The following NPSR1 variants were observed in gnomAD, a reference collection of about 807,000 sequenced individuals.
NPSR1 encodes the protein neuropeptide S receptor 1.
NPSR1 carries 48 observed loss-of-function variants against 46.9 expected under a neutral mutation model. That is an observed-to-expected ratio of 1.02 (90% CI 0.81 to 1.30). The LOEUF is 1.30. Among genes scored for constraint, NPSR1 ranks in the 50% most tolerant of loss-of-function variants. The pLI is 0.00. For synonymous variants in NPSR1, 176 were observed against 168.1 expected, an observed-to-expected ratio of 1.05 and a Z score of -0.36; for missense variants, 450 against 449.5, an observed-to-expected ratio of 1.00 and a Z score of -0.01.
intron 1 of NPSR1, among the ~76,000 whole-genome samples, chr7:34,676,610 C>T (rs758748665): frequency 2.4e-4 from 36 of 152,138 alleles, no homozygotes; most frequent in Admixed American, 5.2e-4. Context: ...CTTAATGACC[C>T]TTGTACTAGT....
intron 1 of NPSR1, among the ~76,000 whole-genome samples, chr7:34,670,848 T>C (rs989716442): frequency 2.0e-5 from 3 of 151,918 alleles, no homozygotes; most frequent in Admixed American, 2.0e-4. Flanking sequence ...AGCAAAATAA[T>C]ATATAAAGCA....
chr7:34,838,773 C>A (rs1790467268), intron 6 of NPSR1, among the ~76,000 whole-genome samples: 2 of 152,274 alleles, frequency 1.3e-5, no homozygotes, highest in South Asian at 4.2e-4. Context: ...GCATGGAGGG[C>A]AAGACGTGGA....
intron 3 of NPSR1, among the ~76,000 whole-genome samples, chr7:34,810,356 T>A (rs1184412404): frequency 6.6e-6 from 1 of 152,218 alleles, no homozygotes; most frequent in Non-Finnish European, 1.5e-5. Context: ...ATTCTAAATA[T>A]GCTCTTCACA....
chr7:34,706,182 T>A (rs1393205627), intron 2 of NPSR1, among the ~76,000 whole-genome samples: 1 of 152,106 alleles, frequency 6.6e-6, no homozygotes, highest in Non-Finnish European at 1.5e-5. Flanking sequence ...TGATTTTTTT[T>A]TTTTTAGATT....
chr7:34,660,669 G>A (rs887908339), intron 1 of NPSR1, among the ~76,000 whole-genome samples: 5 of 152,202 alleles, frequency 3.3e-5, no homozygotes, highest in African/African-American at 1.2e-4. Context: ...CATTCTTGGT[G>A]CCAAGAGTCA....
chr7:34,875,569 T>C (rs1052292610), intron 8 of NPSR1, among the ~76,000 whole-genome samples: 3 of 152,136 alleles, frequency 2.0e-5, no homozygotes, highest in Admixed American at 2.0e-4. Flanking sequence ...TCCCCAAATG[T>C]GAGGCAACGA....
chr7:34,749,482 A>G (rs144124052), intron 2 of NPSR1, among the ~76,000 whole-genome samples: 4 of 152,338 alleles, frequency 2.6e-5, no homozygotes, highest in African/African-American at 9.6e-5. Context: ...CCCTAATTTT[A>G]TAAGGTAGAA....
intron 2 of NPSR1, among the ~76,000 whole-genome samples, chr7:34,702,423 G>T (rs1450382114): frequency 6.6e-6 from 1 of 152,236 alleles, no homozygotes; most frequent in Non-Finnish European, 1.5e-5. Context: ...GGAAGAAGGA[G>T]AAATAGAATT....
intron 4 of NPSR1, among the ~76,000 whole-genome samples, chr7:34,818,322 C>T (rs184546261): frequency 2.2e-4 from 33 of 152,182 alleles, no homozygotes; most frequent in African/African-American, 6.7e-4. Flanking sequence ...TTCACAATTG[C>T]TACAAAGAGA....
chr7:34,791,629 C>G lies in NPSR1; in HGVS notation c.384+13064C>G, dbSNP rs529093709. 1.6e-4 allele frequency among the ~76,000 whole-genome samples: 25 copies of G among 151,978 alleles called. 1 individual carries two copies. Among genetic ancestry groups the G allele is most frequent in the Admixed American group, 1.3e-3 (20 of 15,228 alleles). On this transcript the variant is annotated intron_variant, in intron 3 of 8. Coordinates refer to ENST00000360581, the MANE Select transcript of NPSR1 (RefSeq NM_207172.2). The stretch of plus-strand genomic sequence containing the variant: ...TTAATACTTTAAAGTGTCTATAAAT[C>G]AAAGCTATCTACAGATTCAATGCAT...
chr7:34,792,701 G>GTTTT (rs1562733337), intron 3 of NPSR1, among the ~76,000 whole-genome samples: 2 of 72,214 alleles, frequency 2.8e-5, no homozygotes, highest in Non-Finnish European at 6.1e-5. Context: ...ATATATATAC[G>GTTTT]TATATATATA....
chr7:34,733,613 A>ACT (rs887342986), intron 2 of NPSR1, among the ~76,000 whole-genome samples: 6 of 152,260 alleles, frequency 3.9e-5, no homozygotes, highest in African/African-American at 1.4e-4. Flanking sequence ...ATAAATGTGG[A>ACT]CTCAATAGGA....
chr7:34,661,725 A>G (rs571687756), intron 1 of NPSR1, among the ~76,000 whole-genome samples: 28 of 152,156 alleles, frequency 1.8e-4, no homozygotes, highest in African/African-American at 6.5e-4. Flanking sequence ...TGTGTAACTA[A>G]CCCTACGTGG....
intron 8 of NPSR1, among the ~76,000 whole-genome samples, chr7:34,868,158 G>A (rs1009834363): frequency 6.6e-6 from 1 of 151,722 alleles, no homozygotes; most frequent in African/African-American, 2.4e-5. Flanking sequence ...CAAGAAGTCA[G>A]CTGGTTTCAA....
intron 2 of NPSR1, among the ~76,000 whole-genome samples, chr7:34,760,737 T>C (rs1786131085): frequency 6.6e-6 from 1 of 152,216 alleles, no homozygotes; most frequent in South Asian, 2.1e-4. Flanking sequence ...AAATATAATT[T>C]GTTGTAATCT....
chr7:34,790,767 A>G lies in NPSR1; in HGVS notation c.384+12202A>G, dbSNP rs190344001. Among the ~76,000 whole-genome samples, 584 of 123,980 alleles carry G rather than the reference A, an allele frequency of 4.7e-3. 28 individuals are homozygous for G. The highest frequency in any genetic ancestry group is 0.02 in the Middle Eastern group (4 of 198). 81.3% of individuals were successfully genotyped at this position (123,980 alleles called of 152,430 possible). A position where few individuals can be genotyped will look rare whatever the true frequency, so the allele number is the denominator to read the frequency against. On this transcript the variant is annotated intron_variant, in intron 3 of 8. Coordinates refer to ENST00000360581, the MANE Select transcript of NPSR1 (RefSeq NM_207172.2). ...ATATAATATATGTTATATGTTATAT[A>G]TAATATATGTTATATGTTATATATA...
At chr7:34,837,571 G>A (rs1422689715) in intron 6 of NPSR1, among the ~76,000 whole-genome samples, 1 of 152,202 alleles carries the variant, frequency 6.6e-6, no homozygotes, top group Admixed American at 6.5e-5. Flanking sequence ...GCAGTGAGTT[G>A]CACTTTTTTT....
intron 5 of NPSR1, among the ~76,000 whole-genome samples, chr7:34,829,377 A>G (rs1790013644): frequency 6.6e-6 from 1 of 152,220 alleles, no homozygotes; most frequent in African/African-American, 2.4e-5. Flanking sequence ...TGAGCTTGAG[A>G]GAAAGTTTGA....
At chr7:34,689,380 C>A (rs1486612440) in intron 2 of NPSR1, among the ~76,000 whole-genome samples, 1 of 151,904 alleles carries the variant, frequency 6.6e-6, no homozygotes, top group Admixed American at 6.6e-5. Flanking sequence ...CCAAGGCGGG[C>A]AGATCACAAG....
Sources: allele counts gnomAD v4.1 joint callset (sites outside exome capture counted in the v4.1 genomes callset), GRCh38; gene constraint gnomAD v4.1.1; transcripts MANE v1.5; gene names NCBI Gene and HGNC (gene_info 2026-07-23, HGNC 2026-07-21).